The following MCC variants were observed in gnomAD, a reference collection of about 807,000 sequenced individuals.
MCC encodes MCC regulator of Wnt signaling pathway.
Under a neutral mutation model 116.2 loss-of-function variants are expected in MCC, and 90 were observed. That is an observed-to-expected ratio of 0.77 (90% CI 0.65 to 0.92). MCC has a LOEUF of 0.92. MCC is among the 40% of genes least tolerant of loss of function. The probability of loss-of-function intolerance (pLI) is 0.00; values close to 1 mark genes in which losing one functional copy is unlikely to be tolerated. For missense variants in MCC, 1,516 were observed against 1,312.2 expected, an observed-to-expected ratio of 1.16 and a Z score of -2.40; for synonymous variants, 578 against 510.5, an observed-to-expected ratio of 1.13 and a Z score of -1.78.
At chr5:113,031,752 C>T (rs753347159) in intron 17 of MCC, among the ~76,000 whole-genome samples, 3 of 152,136 alleles carry the variant, frequency 2.0e-5, no homozygotes, top group East Asian at 1.9e-4. Flanking sequence ...CAAGACAAAA[C>T]GCTTCCTTCC....
intron 6 of MCC, among the ~76,000 whole-genome samples, chr5:113,112,920 A>G (rs1757181281): frequency 1.3e-5 from 2 of 152,258 alleles, no homozygotes; most frequent in Non-Finnish European, 2.9e-5. Flanking sequence ...ACAGCCTGCT[A>G]ATAGGGCAGA....
chr5:113,381,998 T>A (rs1769136282), intron 2 of MCC, among the ~76,000 whole-genome samples: 1 of 152,172 alleles, frequency 6.6e-6, no homozygotes, highest in South Asian at 2.1e-4. Flanking sequence ...AAGATTTAGA[T>A]GTGGGCAGAA....
chr5:113,232,574 AC>A (rs1763975726), intron 3 of MCC, among the ~76,000 whole-genome samples: 1 of 152,152 alleles, frequency 6.6e-6, no homozygotes, highest in Non-Finnish European at 1.5e-5. Context: ...TTTCACATTA[AC>A]TTTCAGATTC....
At position 113,227,791 on chromosome 5, in the gene MCC, AAGT is replaced by A. The variant is rs1202995503; in HGVS notation, c.628-76372_628-76370del. On this transcript the variant is annotated intron_variant, in intron 3 of 18. Transcript: ENST00000408903. ...ATTCCATTCCTATAATAAAAGTAAA[AAGT>A]AGTCTCTTTTCCCCTACAAGATCTA... 1.8e-4 allele frequency among the ~76,000 whole-genome samples: 27 copies of A among 152,188 alleles called. 1 individual carries two copies. The highest frequency in any genetic ancestry group is 1.8e-3 in the Admixed American group (27 of 15,284).
chr5:113,276,322 T>A (rs181797572), intron 3 of MCC, among the ~76,000 whole-genome samples: 1 of 152,366 alleles, frequency 6.6e-6, no homozygotes, highest in Non-Finnish European at 1.5e-5. Flanking sequence ...TTGGTTTTTT[T>A]AAACTGAACT....
chr5:113,353,768 T>G (rs1768340909), intron 2 of MCC, among the ~76,000 whole-genome samples: 1 of 152,242 alleles, frequency 6.6e-6, no homozygotes, highest in Admixed American at 6.5e-5. Context: ...TGTGATATTT[T>G]TATTTTTAGC....
intron 3 of MCC, among the ~76,000 whole-genome samples, chr5:113,163,797 G>A (rs1760631784): frequency 6.6e-6 from 1 of 152,120 alleles, no homozygotes; most frequent in Non-Finnish European, 1.5e-5. Context: ...TTCTGTAAGT[G>A]TAACTACACT....
chr5:113,117,513 T>C (rs1185869167), intron 6 of MCC, among the ~76,000 whole-genome samples: 1 of 152,218 alleles, frequency 6.6e-6, no homozygotes, highest in Non-Finnish European at 1.5e-5. Flanking sequence ...ATTTCAACCT[T>C]GAGGGTATAA....
At chr5:113,250,425 C>G (rs6887565) in intron 3 of MCC, among the ~76,000 whole-genome samples, 24,102 of 152,216 alleles carry the variant, frequency 0.16, 2,251 homozygotes, top group Admixed American at 0.29. Flanking sequence ...TAACATGACG[C>G]AGGCAGAGCT....
chr5:113,185,953 A>G (rs1670351249), intron 3 of MCC, among the ~76,000 whole-genome samples: 1 of 152,178 alleles, frequency 6.6e-6, no homozygotes, highest in Non-Finnish European at 1.5e-5. Context: ...AATTAAGTGT[A>G]TATTCAGATG....
chr5:113,132,201 C>G (rs1758473897), intron 5 of MCC, among the ~76,000 whole-genome samples: 1 of 150,804 alleles, frequency 6.6e-6, no homozygotes, highest in South Asian at 2.1e-4. Flanking sequence ...AACATTATTC[C>G]TAACAATAGT....
chr5:113,286,871 C>CT (rs1276746103), intron 3 of MCC, among the ~76,000 whole-genome samples: 2 of 152,188 alleles, frequency 1.3e-5, no homozygotes, highest in Non-Finnish European at 2.9e-5. Context: ...AAGGTTTCCT[C>CT]TTTCCTCTCT....
intron 17 of MCC, among the ~76,000 whole-genome samples, chr5:113,030,852 C>G (rs28562302): frequency 3.3e-5 from 5 of 152,076 alleles, no homozygotes; most frequent in African/African-American, 1.2e-4. Flanking sequence ...TGCTTAACTC[C>G]TGAAGGGGGT....
At chr5:113,276,224 G>A (rs1342074427) in intron 3 of MCC, among the ~76,000 whole-genome samples, 1 of 152,174 alleles carries the variant, frequency 6.6e-6, no homozygotes, top group Non-Finnish European at 1.5e-5. Flanking sequence ...CCATTGTAAA[G>A]GCATTCTTAA....
intron 3 of MCC, among the ~76,000 whole-genome samples, chr5:113,299,210 C>T (rs1351253727): frequency 6.8e-6 from 1 of 147,088 alleles, no homozygotes; most frequent in Non-Finnish European, 1.5e-5. Context: ...ATCGCTTGAA[C>T]CTGGGAGGCG....
At chr5:113,165,606 G>T (rs1760725204) in intron 3 of MCC, among the ~76,000 whole-genome samples, 1 of 152,170 alleles carries the variant, frequency 6.6e-6, no homozygotes, top group Admixed American at 6.5e-5. Context: ...CCTTGAAAGA[G>T]AAAGCAGCAG....
Position 113,118,957 on chromosome 5 carries a change from T to A in MCC, c.1027+3727A>T, listed in dbSNP as rs187496734. 2.6e-5 allele frequency among the ~76,000 whole-genome samples: 4 copies of A among 152,256 alleles called. No homozygotes were observed. The East Asian group carries it at 7.7e-4, about 29-fold the overall frequency. ...CCCCACTCAGTTCCCAGATTCCTGC[T>A]CGGCTGTGACCTCTGGCAAGCATTC... On this transcript the variant is annotated intron_variant, in intron 6 of 18. Transcript: ENST00000408903.
chr5:113,056,934 G>A (rs945363983), intron 14 of MCC, among the ~76,000 whole-genome samples: 1 of 152,176 alleles, frequency 6.6e-6, no homozygotes, highest in Non-Finnish European at 1.5e-5. Context: ...GAAAAATGAA[G>A]CAGGGAAGAG....
intron 3 of MCC, among the ~76,000 whole-genome samples, chr5:113,269,590 C>G (rs560741613): frequency 5.3e-5 from 8 of 152,332 alleles, no homozygotes; most frequent in Non-Finnish European, 8.8e-5. Flanking sequence ...CCCCAACCTA[C>G]AGTCACATGC....
Sources: gnomAD v4.1 joint callset for allele counts (sites outside exome capture counted in the v4.1 genomes callset) on GRCh38, gnomAD v4.1.1 for gene constraint, MANE v1.5 for transcripts, NCBI Gene and HGNC (gene_info 2026-07-23, HGNC 2026-07-21) for gene names.